ABCA10: variants seen among roughly 807,000 people sequenced by gnomAD.
ABCA10 encodes ATP-binding cassette sub-family A member 10.
In ABCA10, 169 loss-of-function variants were observed where a neutral mutation model predicts 187.5. The observed-to-expected ratio is 0.90, with a 90% CI of 0.80 to 1.02. The LOEUF (loss-of-function observed/expected upper bound fraction) is 1.02. Ranked by LOEUF, ABCA10 falls within the 50% of genes least tolerant of loss-of-function variation. ABCA10 has a pLI of 0.00. For synonymous variants in ABCA10, 574 were observed against 601.8 expected, an observed-to-expected ratio of 0.95 and a Z score of 0.68; for missense variants, 1,727 against 1,812.4, an observed-to-expected ratio of 0.95 and a Z score of 0.86.
chr17:69,196,219 C>T (rs372069377), intron 11 of ABCA10: 8 of 158,926 alleles, frequency 5.0e-5, no homozygotes, highest in African/African-American at 7.3e-5. Context: ...CTGGAGGGGG[C>T]GGCTGCCGGG....
At chr17:69,182,624 A>C (rs772011083) in intron 21 of ABCA10, 51 bp downstream of exon 21, 4 of 1,512,120 alleles carry the variant, frequency 2.6e-6, no homozygotes, top group East Asian at 4.6e-5. Flanking sequence ...AGGACGTGGC[A>C]AAAAAAACAA....
intron 17 of ABCA10, among the ~76,000 whole-genome samples, chr17:69,190,689 TA>T (rs5821702): frequency 0.014 from 2,175 of 152,204 alleles, 121 homozygotes; most frequent in Admixed American, 0.087. Flanking sequence ...TCATAAACTT[TA>T]AAATTCTTGT....
chr17:69,167,202 C>A (rs751076306), intron 25 of ABCA10, among the ~76,000 whole-genome samples: 2 of 152,148 alleles, frequency 1.3e-5, no homozygotes, highest in African/African-American at 4.8e-5. Flanking sequence ...TCAACACTGA[C>A]GGCAACAAAG....
intron 22 of ABCA10, among the ~76,000 whole-genome samples, chr17:69,180,321 A>G (rs57736258): frequency 0.086 from 13,068 of 152,220 alleles, 724 homozygotes; most frequent in Admixed American, 0.16. Flanking sequence ...TGCTCCGTGC[A>G]ATGCATCATC....
intron 25 of ABCA10, among the ~76,000 whole-genome samples, chr17:69,171,105 C>T (rs1056331628): frequency 7.9e-5 from 12 of 152,260 alleles, no homozygotes; most frequent in Admixed American, 7.9e-4. Context: ...GAGTTCCACA[C>T]TTTAAGGTCA....
chr17:69,151,931 G>T, intron 36 of ABCA10, 112 bp downstream of exon 36: 1 of 1,453,390 alleles, frequency 6.9e-7, no homozygotes, highest in Non-Finnish European at 9.2e-7. Flanking sequence ...GTTGTTTTGT[G>T]ATGAATAAGT....
At position 69,153,492 on chromosome 17, in the gene ABCA10, T is replaced by A. The variant is rs138751693; in HGVS notation, c.4020A>T (p.Leu1340=). 1.2e-3 allele frequency: 1,914 copies of A among 1,614,000 alleles called. 1 individual carries two copies. The highest frequency in any genetic ancestry group is 1.5e-3 in the Non-Finnish European group (1,742 of 1,180,022). The change falls in exon 33 of 39, where the codon CTA becomes CTT. Residue 1340 remains leucine (L), a synonymous_variant. Transcript: ENST00000690296. ...QEQLKAPVKT[L]SEGIKRKLCF... is the part of the protein sequence containing the mutation. ...ATACCTTTCTCTTTATTCCCTCTGA[T>A]AGAGTTTTCACAGGAGCCTTAAGTT...
intron 8 of ABCA10, among the ~76,000 whole-genome samples, chr17:69,215,106 C>T (rs543299702): frequency 1.5e-4 from 23 of 151,900 alleles, no homozygotes; most frequent in African/African-American, 5.6e-4. Flanking sequence ...GGTATTTTAA[C>T]AAAGAAAATA....
chr17:69,183,818 T>C (rs1374574957), intron 20 of ABCA10, among the ~76,000 whole-genome samples: 2 of 152,102 alleles, frequency 1.3e-5, no homozygotes, highest in East Asian at 3.9e-4. Context: ...CCAGCTGAAC[T>C]TTGTAATAAT....
intron 3 of ABCA10, among the ~76,000 whole-genome samples, chr17:69,224,375 A>G (rs773066707): frequency 6.6e-6 from 1 of 152,160 alleles, no homozygotes; most frequent in Non-Finnish European, 1.5e-5. Flanking sequence ...ACCCTGGCAG[A>G]ATGAGGGCTA....
In ABCA10 at chr17:69,155,902, G is replaced by C. The variant is rs145419025; in HGVS notation, c.3479C>G (p.Thr1160Ser). The C allele has an allele frequency of 8.1e-5, 130 of 1,613,454 alleles. No homozygotes were observed. The African/African-American group carries it at 1.5e-3, about 19-fold the overall frequency. Reference protein sequence around the residue: ...VFRISPRSRETHPNPEEPEEE... With the variant: ...VFRISPRSRESHPNPEEPEEE... Reference sequence around the variant, plus strand: ...TTCGGGCTCTTCCGGATTGGGATGAGTTTCTCTACTCCGTGGAGAGATTCT... The same window carrying C: ...TTCGGGCTCTTCCGGATTGGGATGACTTTCTCTACTCCGTGGAGAGATTCT... The change falls in exon 29 of 39, where the codon ACT (threonine) becomes AGT (serine). Residue 1160 changes from threonine to serine, a missense_variant. Thr to Ser is a moderately conservative substitution (Grantham distance 58). Transcript: ENST00000690296.
At chr17:69,190,793 T>G (rs2074453988) in intron 17 of ABCA10, among the ~76,000 whole-genome samples, 1 of 151,648 alleles carries the variant, frequency 6.6e-6, no homozygotes, top group Non-Finnish European at 1.5e-5. Context: ...ATTTTCTAAC[T>G]TTTCTATACT....
In ABCA10 at chr17:69,155,911, C is replaced by T; in HGVS notation, c.3470G>A (p.Ser1157Asn). ...KDPVFRISPR[S>N]RETHPNPEEP... Reference sequence around the variant, plus strand: ...TTCCGGATTGGGATGAGTTTCTCTACTCCGTGGAGAGATTCTACAGAGGAA... The same window carrying T: ...TTCCGGATTGGGATGAGTTTCTCTATTCCGTGGAGAGATTCTACAGAGGAA... Residue 1157 changes from serine (S) to asparagine (N), a missense_variant, in exon 29 of 39, where the codon AGT becomes AAT. Transcript: ENST00000690296. 6 of 1,613,276 alleles carry T rather than the reference C, an allele frequency of 3.7e-6. No individual in the cohort carries two copies. Among genetic ancestry groups the T allele is most frequent in the Non-Finnish European group, 5.1e-6 (6 of 1,179,554 alleles).
chr17:69,171,744 C>G (rs1269187470), intron 25 of ABCA10, among the ~76,000 whole-genome samples: 1 of 152,078 alleles, frequency 6.6e-6, no homozygotes, highest in Non-Finnish European at 1.5e-5. Flanking sequence ...GACATCTGAA[C>G]AGTTAAAATG....
intron 10 of ABCA10, among the ~76,000 whole-genome samples, chr17:69,200,871 C>T (rs911154146): frequency 5.3e-5 from 8 of 152,172 alleles, no homozygotes; most frequent in Non-Finnish European, 1.0e-4. Flanking sequence ...CACCACCATG[C>T]CTGGCTAATT....
At chr17:69,158,017 G>C (rs1173495893) in intron 27 of ABCA10, among the ~76,000 whole-genome samples, 2 of 151,886 alleles carry the variant, frequency 1.3e-5, no homozygotes, top group East Asian at 1.9e-4. Flanking sequence ...CACAGGCTTT[G>C]AGAAGATTCC....
At chr17:69,189,848 T>C (rs1256188667) in intron 18 of ABCA10, among the ~76,000 whole-genome samples, 2 of 152,208 alleles carry the variant, frequency 1.3e-5, no homozygotes, top group Middle Eastern at 3.2e-3. Flanking sequence ...GTGGCTTTAT[T>C]GCTGGGTTCT....
In ABCA10 at chr17:69,221,800, T is replaced by C. The variant is rs1350569152; in HGVS notation, c.295A>G (p.Ile99Val). The change falls in exon 5 of 39, where the codon ATT (isoleucine) becomes GTT (valine). Residue 99 changes from isoleucine (I) to valine (V), a missense_variant. By Grantham distance (29) the Ile-to-Val change is conservative (BLOSUM62 3). Transcript: ENST00000690296. ...VAFQAAINAA[I>V]IEVTTNHSVM... is the part of the protein sequence containing the mutation. ...TGAAGTTAGGCACTTACTTCTATAA[T>C]TGCAGCATTAATTGCAGCTTGAAAA... The C allele has an allele frequency of 6.2e-7, 1 of 1,608,328 alleles. No individual in the cohort carries two copies. Among genetic ancestry groups the C allele is most frequent in the East Asian group, 2.2e-5 (1 of 44,826 alleles).
At chr17:69,172,664 G>T (rs2074306739) in intron 25 of ABCA10, among the ~76,000 whole-genome samples, 1 of 151,354 alleles carries the variant, frequency 6.6e-6, no homozygotes, top group Non-Finnish European at 1.5e-5. Context: ...CCAAAAAAAA[G>T]AAAAATATGG....
Sources: allele counts gnomAD v4.1 joint callset (sites outside exome capture counted in the v4.1 genomes callset), GRCh38; gene constraint gnomAD v4.1.1; transcripts MANE v1.5; gene names NCBI Gene and HGNC (gene_info 2026-07-23, HGNC 2026-07-21).